Variants in CDH13 observed in about 807,000 individuals in gnomAD.
The protein encoded by CDH13 is cadherin 13, also known as cadherin-13.
A neutral mutation model predicts 63.8 loss-of-function variants in CDH13; 24 were observed. The observed-to-expected ratio is 0.38, with a 90% CI of 0.27 to 0.53. The LOEUF is 0.53. Among genes scored for constraint, CDH13 ranks in the 20% least tolerant of loss-of-function variants. The pLI is 0.85. For missense variants in CDH13, 1,049 were observed against 903.1 expected, an observed-to-expected ratio of 1.16 and a Z score of -2.07; for synonymous variants, 503 against 355.3, an observed-to-expected ratio of 1.42 and a Z score of -4.67.
intron 8 of CDH13, among the ~76,000 whole-genome samples, chr16:83,652,371 C>T (rs988805211): frequency 6.6e-6 from 1 of 152,152 alleles, no homozygotes; most frequent in African/African-American, 2.4e-5. Flanking sequence ...GTGTCAATCT[C>T]CCTACAGCTC....
intron 2 of CDH13, among the ~76,000 whole-genome samples, chr16:82,865,108 T>C (rs981429331): frequency 5.9e-5 from 9 of 152,340 alleles, no homozygotes; most frequent in Non-Finnish European, 1.3e-4. Flanking sequence ...TCTTGGGCAG[T>C]TCCACCCCCA....
At chr16:83,188,108 T>C (rs1183157178) in intron 4 of CDH13, among the ~76,000 whole-genome samples, 1 of 152,188 alleles carries the variant, frequency 6.6e-6, no homozygotes, top group African/African-American at 2.4e-5. Flanking sequence ...GAGCCCACCA[T>C]GAGGACTTTG....
intron 5 of CDH13, among the ~76,000 whole-genome samples, chr16:83,220,685 G>A (rs79984273): frequency 6.0e-5 from 9 of 149,538 alleles, no homozygotes; most frequent in East Asian, 2.0e-4. Context: ...AAAAAAAAAG[G>A]AGAGAGCCTG....
intron 7 of CDH13, among the ~76,000 whole-genome samples, chr16:83,532,741 C>T (rs1481860701): frequency 6.6e-6 from 1 of 152,214 alleles, no homozygotes; most frequent in Non-Finnish European, 1.5e-5. Context: ...TGAGTAGTCA[C>T]GCTGGTCCGG....
At chr16:83,581,974 T>C (rs759510845) in intron 7 of CDH13, among the ~76,000 whole-genome samples, 9 of 152,216 alleles carry the variant, frequency 5.9e-5, no homozygotes, top group Non-Finnish European at 1.3e-4. Flanking sequence ...AGGGCATCTT[T>C]GTGACCTTGT....
intron 2 of CDH13, among the ~76,000 whole-genome samples, chr16:82,955,189 G>T (rs561620903): frequency 1.3e-5 from 2 of 152,290 alleles, no homozygotes; most frequent in East Asian, 3.9e-4. Flanking sequence ...GGAACTGCCA[G>T]ATTCTTTTTC....
chr16:83,134,844 C>T (rs1894488458), intron 4 of CDH13, among the ~76,000 whole-genome samples: 1 of 152,128 alleles, frequency 6.6e-6, no homozygotes, highest in South Asian at 2.1e-4. Flanking sequence ...TGCAAAACTT[C>T]CCTCCATGAT....
intron 4 of CDH13, among the ~76,000 whole-genome samples, chr16:83,146,789 A>T (rs1178711892): frequency 6.6e-6 from 1 of 152,196 alleles, no homozygotes; most frequent in African/African-American, 2.4e-5. Flanking sequence ...GTATTATTTT[A>T]AAAAGGCCAG....
chr16:83,569,843 T>A (rs1904409250), intron 7 of CDH13, among the ~76,000 whole-genome samples: 1 of 152,174 alleles, frequency 6.6e-6, no homozygotes, highest in South Asian at 2.1e-4. Context: ...TTCAAGTGAT[T>A]CTCCTGCCTC....
chr16:83,457,595 C>A (rs528012517), intron 6 of CDH13, among the ~76,000 whole-genome samples: 1 of 152,110 alleles, frequency 6.6e-6, no homozygotes, highest in Admixed American at 6.5e-5. Flanking sequence ...ACAACAATGA[C>A]ATCCACAGTA....
At chr16:83,580,553 G>A (rs974336040) in intron 7 of CDH13, among the ~76,000 whole-genome samples, 3 of 144,932 alleles carry the variant, frequency 2.1e-5, no homozygotes, top group South Asian at 4.5e-4. Flanking sequence ...ATAGTGCAGT[G>A]GTATGATCTG....
At chr16:83,102,269 G>C (rs948333348) in intron 3 of CDH13, among the ~76,000 whole-genome samples, 7 of 152,226 alleles carry the variant, frequency 4.6e-5, no homozygotes, top group Admixed American at 3.3e-4. Flanking sequence ...AGAAATGTAA[G>C]ATAATAAATG....
chr16:83,386,686 C>G (rs967005704), intron 6 of CDH13, among the ~76,000 whole-genome samples: 16 of 152,122 alleles, frequency 1.1e-4, no homozygotes, highest in African/African-American at 3.6e-4. Flanking sequence ...GAGGAATTTT[C>G]CATCATACAA....
chr16:83,715,718 G>A (rs546244063), intron 10 of CDH13, among the ~76,000 whole-genome samples: 9 of 152,186 alleles, frequency 5.9e-5, no homozygotes, highest in Non-Finnish European at 1.0e-4. Flanking sequence ...CCAACTGTCA[G>A]CCCAGGCCAG....
rs550588896 is a variant in CDH13 at position 83,649,175 on chromosome 16, G to A, written c.1102-21615G>A. On this transcript the variant is annotated intron_variant, in intron 8 of 13. Coordinates refer to ENST00000567109, the MANE Select transcript of CDH13 (RefSeq NM_001257.5). ...AAAGTGGCCACAGGCTGCTGTTGGA[G>A]TGAGCCTTCCTGCTCCATGTGGGTT... Among the ~76,000 whole-genome samples, 87 of 152,378 alleles carry A rather than the reference G, an allele frequency of 5.7e-4. 3 individuals carry two copies. In the South Asian group the frequency reaches 0.016, roughly 28 times the overall value.
intron 7 of CDH13, among the ~76,000 whole-genome samples, chr16:83,487,289 T>C (rs1189441681): frequency 1.3e-5 from 2 of 152,252 alleles, no homozygotes; most frequent in African/African-American, 4.8e-5. Context: ...AGTTGTCATA[T>C]CAAAATATTT....
intron 8 of CDH13, among the ~76,000 whole-genome samples, chr16:83,665,665 C>T (rs1006164612): frequency 3.9e-5 from 6 of 152,138 alleles, no homozygotes; most frequent in African/African-American, 9.7e-5. Context: ...GTTAATGGCT[C>T]GTGAACTTAG....
chr16:82,856,188 A>G (rs369300963), intron 1 of CDH13, among the ~76,000 whole-genome samples: 1 of 151,618 alleles, frequency 6.6e-6, no homozygotes, highest in Non-Finnish European at 1.5e-5. Context: ...CATCCTGGCG[A>G]ACACTGTGAA....
intron 8 of CDH13, among the ~76,000 whole-genome samples, chr16:83,607,606 T>A (rs1377930850): frequency 6.6e-6 from 1 of 152,220 alleles, no homozygotes; most frequent in Non-Finnish European, 1.5e-5. Flanking sequence ...ACAGCTTCAC[T>A]GCATACGATG....
Sources: allele counts gnomAD v4.1 joint callset (sites outside exome capture counted in the v4.1 genomes callset), GRCh38; gene constraint gnomAD v4.1.1; transcripts MANE v1.5; gene names NCBI Gene and HGNC (gene_info 2026-07-23, HGNC 2026-07-21).